Variants in TRIM61 observed in about 807,000 individuals in gnomAD.
TRIM61 encodes the protein putative tripartite motif-containing protein 61.
TRIM61 carries 1 observed loss-of-function variant against 14.2 expected under a neutral mutation model. The observed-to-expected ratio is 0.07, with a 90% CI of 0.03 to 0.33. The LOEUF is 0.33. Among genes scored for constraint, TRIM61 ranks in the 10% least tolerant of loss-of-function variants. TRIM61 has a pLI of 0.99. For synonymous variants in TRIM61, 8 were observed against 71.6 expected, an observed-to-expected ratio of 0.11 and a Z score of 4.49; for missense variants, 19 against 202.2, an observed-to-expected ratio of 0.09 and a Z score of 5.49.
chr4:164,955,099 CAA>C lies in TRIM61; in HGVS notation c.526-5_526-4del, dbSNP rs200797852. On this transcript the variant is annotated splice_polypyrimidine_tract_variant and splice_region_variant and intron_variant, in intron 3 of 4. Coordinates refer to ENST00000329314, the MANE Select transcript of TRIM61 (RefSeq NM_001012414.3). The stretch of plus-strand genomic sequence containing the variant: ...CTGGTGACAGAAGGAGACTCCATCT[CAA>C]AAAAAAAAAAAAAAAAAATTATTAT... The C allele has an allele frequency of 3.1e-3, 267 of 85,972 alleles. No homozygotes were observed. The highest frequency in any genetic ancestry group is 0.022 in the South Asian group (67 of 3,056). 5.3% of individuals were successfully genotyped at this position (85,972 alleles called of 1,614,324 possible). A position where few individuals can be genotyped will look rare whatever the true frequency, so the allele number is the denominator to read the frequency against.
At chr4:164,956,898 G>A (rs1166396490) in intron 3 of TRIM61, 2 of 972,406 alleles carry the variant, frequency 2.1e-6, no homozygotes, top group Non-Finnish European at 3.0e-6. Flanking sequence ...GTCCGTAGCG[G>A]AAGTCGGAGC....
chr4:164,962,003 G>C (rs1732146084), intron 3 of TRIM61, among the ~76,000 whole-genome samples: 1 of 152,084 alleles, frequency 6.6e-6, no homozygotes. Context: ...TTACTGTACT[G>C]AATACTATAG....
chr4:164,973,967 G>C (rs1160578271), intron 2 of TRIM61, among the ~76,000 whole-genome samples: 3 of 152,172 alleles, frequency 2.0e-5, no homozygotes, highest in African/African-American at 7.2e-5. Flanking sequence ...TCAGCAGTTC[G>C]AGAACCAGCC....
chr4:164,971,910 C>G (rs1402582687), intron 2 of TRIM61, among the ~76,000 whole-genome samples: 1 of 152,150 alleles, frequency 6.6e-6, no homozygotes, highest in Admixed American at 6.5e-5. Flanking sequence ...CCTCATAACC[C>G]AACGACAGTG....
At chr4:164,968,164 AAAAAG>A (rs373794548) in intron 3 of TRIM61, 112 bp downstream of exon 3, 668 of 985,074 alleles carry the variant, frequency 6.8e-4, no homozygotes, top group Middle Eastern at 5.7e-3. Context: ...GGAGAAGAGG[AAAAAG>A]AAAAGAAAAG....
At chr4:164,970,911 C>A (rs1732350530) in intron 2 of TRIM61, among the ~76,000 whole-genome samples, 1 of 151,906 alleles carries the variant, frequency 6.6e-6, no homozygotes, top group Admixed American at 6.6e-5. Flanking sequence ...ACCAGCCTGG[C>A]CAATATGGTG....
chr4:164,973,366 C>T (rs1046669609), intron 2 of TRIM61, among the ~76,000 whole-genome samples: 3 of 152,212 alleles, frequency 2.0e-5, no homozygotes, highest in East Asian at 3.8e-4. Context: ...TCTTTACACT[C>T]GCACGGCATC....
chr4:164,973,571 C>T (rs1276292335), intron 2 of TRIM61, among the ~76,000 whole-genome samples: 1 of 152,208 alleles, frequency 6.6e-6, no homozygotes, highest in Non-Finnish European at 1.5e-5. Flanking sequence ...TTTCATCCAA[C>T]TCTAACACTT....
At position 164,957,366 on chromosome 4, in the gene TRIM61, C is replaced by T. The variant is rs1375975290; in HGVS notation, c.526-2270G>A. On this transcript the variant is annotated intron_variant, in intron 3 of 4. Coordinates refer to ENST00000329314, the MANE Select transcript of TRIM61 (RefSeq NM_001012414.3). ...ACGCCACCGAAATTGCCAGGCCACTCCAAGTCAGAAGGACCACCAGGAAAA... is the reference window on the plus strand; with the variant it reads ...ACGCCACCGAAATTGCCAGGCCACTTCAAGTCAGAAGGACCACCAGGAAAA... 10 of 1,613,926 alleles carry T rather than the reference C, an allele frequency of 6.2e-6. No individual in the cohort carries two copies. In the South Asian group the frequency reaches 1.1e-4, roughly 18 times the overall value.
chr4:164,972,811 T>A (rs1732398636), intron 2 of TRIM61, among the ~76,000 whole-genome samples: 1 of 152,180 alleles, frequency 6.6e-6, no homozygotes, highest in Non-Finnish European at 1.5e-5. Context: ...CTTGATATCA[T>A]TTAACTTGTC....
chr4:164,964,342 T>C (rs1426905513), intron 3 of TRIM61, among the ~76,000 whole-genome samples: 5 of 141,376 alleles, frequency 3.5e-5, no homozygotes, highest in Non-Finnish European at 7.5e-5. Context: ...AGCGAGACTC[T>C]GTCTCAAAAA....
rs895169285 is a variant in TRIM61 at position 164,974,259 on chromosome 4, C to T, written c.-338+2429G>A. ...AATGATTAGTAAAGGCAGTAACTTC[C>T]AAGGGCTCACTGTAGTAGTGGTGTG... On this transcript the variant is annotated intron_variant, in intron 2 of 4. Coordinates refer to ENST00000329314, the MANE Select transcript of TRIM61 (RefSeq NM_001012414.3). Among the ~76,000 whole-genome samples, 20 of 152,192 alleles carry T rather than the reference C, an allele frequency of 1.3e-4. 1 individual carries two copies.
At chr4:164,957,293 C>T (rs1732027763) in intron 3 of TRIM61, 3 of 1,614,192 alleles carry the variant, frequency 1.9e-6, no homozygotes, top group Non-Finnish European at 2.5e-6. Flanking sequence ...CCCTGTCAGC[C>T]GCTCATGGTG....
intron 3 of TRIM61, among the ~76,000 whole-genome samples, chr4:164,965,446 CTT>C (rs70952674): frequency 1.0e-4 from 13 of 126,262 alleles, no homozygotes; most frequent in Middle Eastern, 4.7e-3. Context: ...TCTGCCTATG[CTT>C]TTTTTTTTTT....
At chr4:164,957,457 T>A (rs3196673) in intron 3 of TRIM61, 479,660 of 1,611,084 alleles carry the variant, frequency 0.3, 71,846 homozygotes, top group Admixed American at 0.37. Context: ...GGTTTGGGTC[T>A]GCAGTGGGCT....
At chr4:164,967,021 G>A (rs1031458040) in intron 3 of TRIM61, among the ~76,000 whole-genome samples, 5 of 152,098 alleles carry the variant, frequency 3.3e-5, no homozygotes, top group East Asian at 3.8e-4. Flanking sequence ...CTATCTCTAC[G>A]GAAACTCCAA....
At chr4:164,974,472 T>C (rs1344233619) in intron 2 of TRIM61, among the ~76,000 whole-genome samples, 2 of 152,204 alleles carry the variant, frequency 1.3e-5, no homozygotes, top group African/African-American at 4.8e-5. Flanking sequence ...TCTTGAGCAT[T>C]CATGGATTTT....
intron 3 of TRIM61, chr4:164,956,828 G>C: frequency 1.7e-6 from 1 of 588,796 alleles, no homozygotes; most frequent in South Asian, 2.3e-5. Context: ...CAGAACACAA[G>C]GCTCTCAAGG....
intron 1 of TRIM61, 37 bp downstream of exon 1, chr4:164,977,494 G>GCCCT (rs1215399759): frequency 6.6e-6 from 1 of 152,258 alleles, no homozygotes. Flanking sequence ...TCCTGGCGAG[G>GCCCT]CCCTTCTGGG....
Sources: gnomAD v4.1 joint callset for allele counts (sites outside exome capture counted in the v4.1 genomes callset) on GRCh38, gnomAD v4.1.1 for gene constraint, MANE v1.5 for transcripts, NCBI Gene and HGNC (gene_info 2026-07-23, HGNC 2026-07-21) for gene names.